Variants in TCTN2 observed in about 807,000 individuals in gnomAD.
TCTN2 encodes the protein tectonic-2.
Under a neutral mutation model 83.4 loss-of-function variants are expected in TCTN2, and 66 were observed. That is an observed-to-expected ratio of 0.79 (90% CI 0.65 to 0.97). TCTN2 has a LOEUF of 0.97. Among genes scored for constraint, TCTN2 ranks in the 50% least tolerant of loss-of-function variants. The pLI, the probability that TCTN2 is intolerant of heterozygous loss-of-function variation, is 0.00. For missense variants in TCTN2, 794 were observed against 858.1 expected, an observed-to-expected ratio of 0.93 and a Z score of 0.93; for synonymous variants, 301 against 326.7, an observed-to-expected ratio of 0.92 and a Z score of 0.85.
rs764231491 is a variant in TCTN2 at position 123,695,019 on chromosome 12, AT to A, written c.1234+52del. The A allele has an allele frequency of 3.2e-4, 508 of 1,596,798 alleles. 2 individuals carry two copies. The highest frequency in any genetic ancestry group is 8.1e-4 in the Middle Eastern group (4 of 4,958). On this transcript the variant is annotated intron_variant, in intron 10 of 17. Coordinates refer to ENST00000303372, the MANE Select transcript of TCTN2 (RefSeq NM_024809.5). ...AGCAAGCATGCTTTCACTGAAAAGTATTTTTTTTTCCTCTTTTCAAGATTCT... is the reference window on the plus strand; with the variant it reads ...AGCAAGCATGCTTTCACTGAAAAGTATTTTTTTTCCTCTTTTCAAGATTCT...
At position 123,707,784 on chromosome 12, in the gene TCTN2, T is replaced by C; in HGVS notation, c.*71T>C. On this transcript the variant is annotated 3_prime_UTR_variant, in exon 18 of 18. Transcript: ENST00000303372. Reference sequence around the variant, plus strand: ...TTGCCCAGGCTGAAGTGATCTCGGCTCACCACAACCTCCTCCTCTTGGGTT... The same window carrying C: ...TTGCCCAGGCTGAAGTGATCTCGGCCCACCACAACCTCCTCCTCTTGGGTT... 1.7e-6 allele frequency: 2 copies of C among 1,187,916 alleles called. No homozygotes were observed. The highest frequency in any genetic ancestry group is 3.0e-5 in the African/African-American group (2 of 66,872). The allele number at this position is 1,187,916 out of a possible 1,614,324, so 73.6% of individuals were successfully genotyped here. A position where few individuals can be genotyped will look rare whatever the true frequency, so the allele number is the denominator to read the frequency against.
At chr12:123,690,909 C>G (rs970111535) in intron 8 of TCTN2, among the ~76,000 whole-genome samples, 3 of 152,142 alleles carry the variant, frequency 2.0e-5, no homozygotes, top group Non-Finnish European at 4.4e-5. Context: ...TTCTCCGTCA[C>G]GCAGGTTGGA....
chr12:123,683,785 C>T (rs549010066), intron 5 of TCTN2, among the ~76,000 whole-genome samples: 42 of 151,896 alleles, frequency 2.8e-4, no homozygotes, highest in African/African-American at 7.5e-4. Context: ...ATTACAGGCG[C>T]GTGCCACCAT....
chr12:123,707,231 G>A, intron 17 of TCTN2, 158 bp downstream of exon 17: 1 of 709,286 alleles, frequency 1.4e-6, no homozygotes, highest in Non-Finnish European at 2.4e-6. Context: ...TTACTGTTTT[G>A]GCTTAGTTTA....
At position 123,680,010 on chromosome 12, in the gene TCTN2, A is replaced by C. The variant is rs377033243; in HGVS notation, c.564+721A>C. Among the ~76,000 whole-genome samples the C allele has an allele frequency of 8.2e-3, 1,245 of 151,592 alleles. 12 individuals are homozygous for C. Among genetic ancestry groups the C allele is most frequent in the African/African-American group, 0.028 (1,175 of 41,404 alleles). ...CGCCTCGGCCTCCCAAAGTGCGGGG[A>C]TTACAGGCGTGAGCCACCGCGCCCA... On this transcript the variant is annotated intron_variant, in intron 5 of 17. Coordinates refer to ENST00000303372, the MANE Select transcript of TCTN2 (RefSeq NM_024809.5).
At chr12:123,704,329 A>G (rs1279960366) in intron 14 of TCTN2, among the ~76,000 whole-genome samples, 2 of 152,054 alleles carry the variant, frequency 1.3e-5, no homozygotes, top group Admixed American at 6.6e-5. Context: ...TTTAAACACA[A>G]TTTTTATTAG....
intron 14 of TCTN2, among the ~76,000 whole-genome samples, chr12:123,701,059 G>T (rs1025449194): frequency 7.2e-5 from 11 of 152,180 alleles, no homozygotes; most frequent in Admixed American, 3.9e-4. Context: ...AGGAATACAG[G>T]CATTTGAGAA....
intron 5 of TCTN2, among the ~76,000 whole-genome samples, chr12:123,683,874 C>T (rs1473923920): frequency 1.3e-5 from 2 of 152,074 alleles, no homozygotes; most frequent in Non-Finnish European, 2.9e-5. Context: ...CTCCTGACCT[C>T]GTGATCCACC....
chr12:123,672,779 G>A lies in TCTN2; in HGVS notation c.267+647G>A, dbSNP rs185211453. On this transcript the variant is annotated intron_variant, in intron 3 of 17. Coordinates refer to ENST00000303372, the MANE Select transcript of TCTN2 (RefSeq NM_024809.5). ...AAAAAAGAAAAAGCTGGTCAGGCGC[G>A]GTGGCTCACGCCTGTAATCCTAGCA... Among the ~76,000 whole-genome samples the A allele has an allele frequency of 1.5e-3, 233 of 151,474 alleles. 2 individuals carry two copies. Among genetic ancestry groups the A allele is most frequent in the Admixed American group, 9.2e-3 (140 of 15,190 alleles).
At chr12:123,682,504 G>A (rs1955911155) in intron 5 of TCTN2, among the ~76,000 whole-genome samples, 1 of 151,256 alleles carries the variant, frequency 6.6e-6, no homozygotes, top group South Asian at 2.1e-4. Context: ...TTTTTGAGAT[G>A]GAGTTTCGCT....
At chr12:123,671,479 C>T (rs1317978271) in intron 1 of TCTN2, 28 bp from the exon 2 acceptor site, 6 of 1,611,234 alleles carry the variant, frequency 3.7e-6, no homozygotes, top group Middle Eastern at 1.7e-4. Context: ...CTGCTAACCC[C>T]TCCTTGTCCC....
rs890278383 is a variant in TCTN2, at chr12:123,696,203, A to C, written c.1313-212A>C. ...TTTTTTTTTACATAGTCTGTTGTAC[A>C]TAGTAACAAGTTGCTGTAAATGTGA... On this transcript the variant is annotated intron_variant, in intron 11 of 17. Transcript: ENST00000303372. The C allele has an allele frequency of 1.0e-5, 6 of 578,822 alleles. No homozygotes were observed. In the African/African-American group the frequency reaches 1.1e-4, roughly 11 times the overall value. 35.9% of individuals were successfully genotyped at this position (578,822 alleles called of 1,614,324 possible). A position where few individuals can be genotyped will look rare whatever the true frequency, so the allele number is the denominator to read the frequency against.
intron 14 of TCTN2, among the ~76,000 whole-genome samples, chr12:123,700,311 G>A (rs569054843): frequency 2.0e-5 from 3 of 152,204 alleles, no homozygotes; most frequent in Non-Finnish European, 4.4e-5. Flanking sequence ...GAGCCATTGC[G>A]CCTGGCCAAC....
intron 14 of TCTN2, among the ~76,000 whole-genome samples, chr12:123,701,374 C>CT (rs761235511): frequency 3.3e-5 from 5 of 152,142 alleles, no homozygotes; most frequent in African/African-American, 2.4e-5. Flanking sequence ...GAATTGCACA[C>CT]TTTAAGTAGG....
In TCTN2 at chr12:123,682,455, G is replaced by C. The variant is rs906072647; in HGVS notation, c.564+3166G>C. On this transcript the variant is annotated intron_variant, in intron 5 of 17. Transcript: ENST00000303372. The stretch of plus-strand genomic sequence containing the variant: ...GGTTCACTATATATTCTGGATTCTA[G>C]TTTCTTTTTTTTGTTTGTTTTATTT... 3.1e-5 allele frequency among the ~76,000 whole-genome samples: 4 copies of C among 129,678 alleles called. No individual in the cohort carries two copies. In the East Asian group the frequency reaches 7.8e-4, roughly 25 times the overall value. The allele number at this position is 129,678 out of a possible 152,430, so 85.1% of individuals were successfully genotyped here.
Position 123,672,041 on chromosome 12 carries a change from GTCT to G in TCTN2, c.191-10_191-8del, listed in dbSNP as rs1955759155. The G allele has an allele frequency of 9.9e-6, 16 of 1,613,150 alleles. No homozygotes were observed. The highest frequency in any genetic ancestry group is 1.7e-4 in the Middle Eastern group (1 of 6,056). On this transcript the variant is annotated splice_polypyrimidine_tract_variant and intron_variant, in intron 2 of 17. Coordinates refer to ENST00000303372, the MANE Select transcript of TCTN2 (RefSeq NM_024809.5). ...TGGACCTTGCTGCCTTTGCATGCTG[GTCT>G]TCTTTCTTTAGGAATATTGCCAATT...
At chr12:123,672,674 G>A (rs1955770637) in intron 3 of TCTN2, among the ~76,000 whole-genome samples, 1 of 152,086 alleles carries the variant, frequency 6.6e-6, no homozygotes, top group African/African-American at 2.4e-5. Flanking sequence ...GAGCCCAGGA[G>A]TTCAGGGCTG....
chr12:123,695,846 A>ATT (rs770935594), intron 11 of TCTN2: 19 of 139,958 alleles, frequency 1.4e-4, no homozygotes, highest in Admixed American at 2.1e-4. Context: ...CACTGTATTC[A>ATT]TTTTTTTTTT....
Position 123,702,735 on chromosome 12 carries a change from G to A in TCTN2, c.1613-1797G>A, listed in dbSNP as rs143658171. ...AAAAGTCAGCAGTTGGGAAATAAACGGTAGGGAAAATGTCCAGACGGAGAA... is the reference window on the plus strand; with the variant it reads ...AAAAGTCAGCAGTTGGGAAATAAACAGTAGGGAAAATGTCCAGACGGAGAA... On this transcript the variant is annotated intron_variant, in intron 14 of 17. Coordinates refer to ENST00000303372, the MANE Select transcript of TCTN2 (RefSeq NM_024809.5). 2.9e-3 allele frequency among the ~76,000 whole-genome samples: 440 copies of A among 152,290 alleles called. 2 individuals are homozygous for A. Among genetic ancestry groups the A allele is most frequent in the African/African-American group, 0.01 (417 of 41,556 alleles).
Sources: gnomAD v4.1 joint callset for allele counts (sites outside exome capture counted in the v4.1 genomes callset) on GRCh38, gnomAD v4.1.1 for gene constraint, MANE v1.5 for transcripts, NCBI Gene and HGNC (gene_info 2026-07-23, HGNC 2026-07-21) for gene names.